TBC1D1: variants seen among roughly 807,000 people sequenced by gnomAD.
The protein encoded by TBC1D1 is TBC1 (tre-2/USP6, BUB2, cdc16) domain family, member 1.
Under a neutral mutation model 125.6 loss-of-function variants are expected in TBC1D1, and 89 were observed. The observed-to-expected ratio is 0.71, with a 90% CI of 0.60 to 0.85. The LOEUF is 0.85. Ranked by LOEUF, TBC1D1 falls within the 40% of genes least tolerant of loss-of-function variation. TBC1D1 has a pLI of 0.00. For synonymous variants in TBC1D1, 565 were observed against 564.1 expected (o/e 1.00, Z -0.02); for missense variants, 1,377 against 1,469.2 (o/e 0.94, Z 1.03).
At chr4:37,948,238 G>T (rs1363971325) in intron 2 of TBC1D1, among the ~76,000 whole-genome samples, 1 of 152,206 alleles carries the variant, frequency 6.6e-6, no homozygotes, top group Non-Finnish European at 1.5e-5. Context: ...GGTGTGTGAA[G>T]AAGAGCTTCC....
chr4:38,085,760 G>A (rs890485532), intron 12 of TBC1D1, among the ~76,000 whole-genome samples: 4 of 152,172 alleles, frequency 2.6e-5, no homozygotes, highest in African/African-American at 9.7e-5. Flanking sequence ...GCATTGCATC[G>A]CTGCATACAT....
chr4:38,004,634 T>TA (rs1480416487), intron 2 of TBC1D1, among the ~76,000 whole-genome samples: 2 of 152,192 alleles, frequency 1.3e-5, no homozygotes, highest in Non-Finnish European at 2.9e-5. Context: ...CCCTCGATGA[T>TA]AAAAGTTAGT....
intron 10 of TBC1D1, among the ~76,000 whole-genome samples, chr4:38,046,208 A>G (rs972830653): frequency 1.3e-5 from 2 of 152,094 alleles, no homozygotes; most frequent in African/African-American, 4.8e-5. Context: ...TACTAAAAAT[A>G]CAAAAAATTA....
At chr4:37,925,122 T>A (rs1442137916) in intron 2 of TBC1D1, among the ~76,000 whole-genome samples, 1 of 152,246 alleles carries the variant, frequency 6.6e-6, no homozygotes, top group Non-Finnish European at 1.5e-5. Flanking sequence ...GCATACACTG[T>A]CTGCCAGGCC....
rs772671643 is a variant in TBC1D1 at position 38,122,937 on chromosome 4, G to A, written c.2963-2025G>A. ...CCTCTCCCCTCCAAATTTCCTTTCC[G>A]GGAAAGTCTCCTTTTGGAATCATAG... is the stretch of plus-strand genomic sequence containing the variant. On this transcript the variant is annotated intron_variant, in intron 17 of 19. Transcript: ENST00000261439. Among the ~76,000 whole-genome samples, 18 of 152,044 alleles carry A rather than the reference G, an allele frequency of 1.2e-4. 1 individual carries two copies. Among genetic ancestry groups the A allele is most frequent in the Admixed American group, 6.5e-4 (10 of 15,284 alleles).
At chr4:38,017,594 T>A (rs959198560) in intron 3 of TBC1D1, among the ~76,000 whole-genome samples, 1 of 152,228 alleles carries the variant, frequency 6.6e-6, no homozygotes, top group South Asian at 2.1e-4. Context: ...ATTTGTATTT[T>A]ACATCAAAGC....
Position 38,080,730 on chromosome 4 carries a change from C to T in TBC1D1, c.2051-9202C>T, listed in dbSNP as rs115393612. 8.7e-3 allele frequency among the ~76,000 whole-genome samples: 1,325 copies of T among 152,164 alleles called. 22 individuals are homozygous for T. The highest frequency in any genetic ancestry group is 0.03 in the African/African-American group (1,258 of 41,498). ...TCTTCTGAGGTTGGACCTGCACAGC[C>T]GCCCTCTGCACTCTCGCCACCTTAT... On this transcript the variant is annotated intron_variant, in intron 12 of 19. Transcript: ENST00000261439.
chr4:38,107,943 G>C (rs139955791), intron 15 of TBC1D1, among the ~76,000 whole-genome samples: 1 of 152,222 alleles, frequency 6.6e-6, no homozygotes, highest in African/African-American at 2.4e-5. Context: ...TGCTTTGGTG[G>C]AATCATGTTC....
rs1021269581 is a variant in TBC1D1 at position 37,908,702 on chromosome 4, C to G, written c.417+6190C>G. ...ATGCTCGCAGCCTTCCCCTTTTCCA[C>G]CCTGCTAAAAGAATCTGGTAATTGC... On this transcript the variant is annotated intron_variant, in intron 2 of 19. Coordinates refer to ENST00000261439, the MANE Select transcript of TBC1D1 (RefSeq NM_015173.4). 7.9e-5 allele frequency among the ~76,000 whole-genome samples: 12 copies of G among 152,236 alleles called. No homozygotes were observed. The South Asian group carries it at 2.3e-3, about 29-fold the overall frequency.
intron 2 of TBC1D1, among the ~76,000 whole-genome samples, chr4:37,965,114 C>CA (rs968246730): frequency 6.6e-6 from 1 of 152,202 alleles, no homozygotes; most frequent in African/African-American, 2.4e-5. Context: ...TCCTCATCTG[C>CA]AAAACAGAAT....
At chr4:38,018,504 T>C in intron 4 of TBC1D1, 61 bp downstream of exon 4, 1 of 1,070,926 alleles carries the variant, frequency 9.3e-7, no homozygotes, top group South Asian at 1.4e-5. Flanking sequence ...ATTTCTATAA[T>C]ATCTATCATG....
At chr4:37,931,299 G>A (rs1049926830) in intron 2 of TBC1D1, among the ~76,000 whole-genome samples, 1 of 151,730 alleles carries the variant, frequency 6.6e-6, no homozygotes, top group Admixed American at 6.6e-5. Context: ...GTTTTGCTGT[G>A]TTGGCCAGGC....
intron 2 of TBC1D1, among the ~76,000 whole-genome samples, chr4:37,907,778 C>T (rs1305676825): frequency 6.6e-6 from 1 of 152,140 alleles, no homozygotes; most frequent in Non-Finnish European, 1.5e-5. Flanking sequence ...GACCTAGAAA[C>T]ATTCTCAAGT....
At chr4:38,073,381 T>C (rs190239216) in intron 12 of TBC1D1, among the ~76,000 whole-genome samples, 1 of 152,354 alleles carries the variant, frequency 6.6e-6, no homozygotes, top group Admixed American at 6.5e-5. Flanking sequence ...TTTGGAGTGG[T>C]AAATATGTAA....
chr4:38,084,095 G>A (rs919886153), intron 12 of TBC1D1, among the ~76,000 whole-genome samples: 7 of 152,022 alleles, frequency 4.6e-5, no homozygotes, highest in African/African-American at 7.2e-5. Context: ...CTGCCATGGC[G>A]CCCGGCTAAT....
intron 2 of TBC1D1, among the ~76,000 whole-genome samples, chr4:37,956,728 C>T (rs1450707711): frequency 6.6e-6 from 1 of 152,014 alleles, no homozygotes; most frequent in African/African-American, 2.4e-5. Flanking sequence ...GGGCAGATCA[C>T]TTGAGGTCAG....
chr4:38,091,406 T>C lies in TBC1D1; in HGVS notation c.2236+1289T>C, dbSNP rs368448705. ...ACCCAGTTTTTCTGCCACTTTCTTA[T>C]GTTTTTGTGAAGGTAATTTTAAAAG... On this transcript the variant is annotated intron_variant, in intron 13 of 19. Transcript: ENST00000261439. 1.6e-4 allele frequency among the ~76,000 whole-genome samples: 24 copies of C among 152,156 alleles called. No individual in the cohort carries two copies. In the South Asian group the frequency reaches 4.6e-3, roughly 29 times the overall value.
rs1459057036 is a variant in TBC1D1 at position 38,115,775 on chromosome 4, A to C, written c.2623A>C (p.Asn875His). The stretch of plus-strand genomic sequence containing the variant: ...TGGAGCAGGACAGCTATCGCTTTAC[A>C]ACATTTTGAAGGCCTACTCACTTCT... The change falls in exon 16 of 20, where the codon AAC becomes CAC. Residue 875 changes from asparagine (N) to histidine (H), a missense_variant. Around this residue, in one of 3 missense-constraint regions of TBC1D1, gnomAD observed 543 missense variants for 613.5 expected, o/e 0.89. Transcript: ENST00000261439. The C allele has an allele frequency of 6.2e-7, 1 of 1,614,186 alleles. No individual in the cohort carries two copies. Among genetic ancestry groups the C allele is most frequent in the Non-Finnish European group, 8.5e-7 (1 of 1,180,024 alleles).
chr4:38,132,910 AT>A (rs1247397992), intron 18 of TBC1D1, 173 bp from the exon 21 acceptor site: 2 of 421,824 alleles, frequency 4.7e-6, no homozygotes, highest in Non-Finnish European at 8.6e-6. Flanking sequence ...CCCAAGTAAA[AT>A]TATTACCTTC....
Sources: allele counts gnomAD v4.1 joint callset (sites outside exome capture counted in the v4.1 genomes callset), GRCh38; gene constraint gnomAD v4.1.1; regional missense constraint gnomAD v4.1.1; transcripts MANE v1.5; gene names NCBI Gene and HGNC (gene_info 2026-07-23, HGNC 2026-07-21).